Variants in EPM2A observed in about 807,000 individuals in gnomAD.
EPM2A encodes the protein laforin.
In EPM2A, 21 loss-of-function variants were observed where a neutral mutation model predicts 26.5. The observed-to-expected ratio is 0.79, with a 90% CI of 0.56 to 1.14. The LOEUF (loss-of-function observed/expected upper bound fraction) is 1.14. Ranked by LOEUF, EPM2A falls within the 50% of genes most tolerant of loss-of-function variation. The pLI is 0.00. For missense variants in EPM2A, 458 were observed against 440.8 expected, an observed-to-expected ratio of 1.04 and a Z score of -0.35; for synonymous variants, 217 against 177.6, an observed-to-expected ratio of 1.22 and a Z score of -1.76.
chr6:145,479,151 G>A (rs1002847832), intron 4 of EPM2A, among the ~76,000 whole-genome samples: 14 of 150,820 alleles, frequency 9.3e-5, no homozygotes, highest in Admixed American at 2.0e-4. Context: ...GTAGATTGAC[G>A]TCTTCCAGTA....
intron 2 of EPM2A, among the ~76,000 whole-genome samples, chr6:145,619,181 A>G (rs7738822): frequency 0.067 from 10,157 of 152,072 alleles, 1,134 homozygotes; most frequent in African/African-American, 0.23. Context: ...ATTGGGGAAT[A>G]TTGAGTTTGG....
chr6:145,548,206 C>T (rs1414766175), intron 2 of EPM2A, among the ~76,000 whole-genome samples: 5 of 152,086 alleles, frequency 3.3e-5, no homozygotes, highest in African/African-American at 4.8e-5. Flanking sequence ...TCCACAAAGG[C>T]GCACTGACCT....
chr6:145,398,734 C>T (rs1778441127), intron 4 of EPM2A, among the ~76,000 whole-genome samples: 1 of 151,846 alleles, frequency 6.6e-6, no homozygotes, highest in South Asian at 2.1e-4. Flanking sequence ...GTGGTATGTG[C>T]TTGTAGTCCC....
chr6:145,630,683 G>A (rs1399036842), intron 3 of EPM2A: 1 of 152,128 alleles, frequency 6.6e-6, no homozygotes, highest in Non-Finnish European at 1.5e-5. Context: ...CACAGCTGGA[G>A]GCCTGGTTTA....
chr6:145,677,968 C>T (rs1780193386), intron 2 of EPM2A, among the ~76,000 whole-genome samples: 1 of 152,180 alleles, frequency 6.6e-6, no homozygotes, highest in South Asian at 2.1e-4. Context: ...CCTGCATTGC[C>T]ATGACAATCA....
In EPM2A at chr6:145,460,152, C is replaced by T. The variant is rs546759468; in HGVS notation, c.555+42370G>A. On this transcript the variant is annotated intron_variant, in intron 4 of 4. Coordinates refer to the EPM2A transcript ENST00000638717. ...GGAGATAGGTAAGGACTCGTTATCA[C>T]CATCTTTAGCTATAAAGGAGTTGAT... Among the ~76,000 whole-genome samples the T allele has an allele frequency of 4.9e-4, 74 of 152,268 alleles. 1 individual carries two copies. The highest frequency in any genetic ancestry group is 1.7e-3 in the African/African-American group (70 of 41,560).
chr6:145,728,466 G>A (rs895578634), intron 1 of EPM2A, among the ~76,000 whole-genome samples: 3 of 152,208 alleles, frequency 2.0e-5, no homozygotes, highest in Non-Finnish European at 4.4e-5. Context: ...GGGAACTACA[G>A]TAGTCACTCA....
chr6:145,447,031 G>A, intron 4 of EPM2A, among the ~76,000 whole-genome samples: 1 of 152,114 alleles, frequency 6.6e-6, no homozygotes, highest in East Asian at 1.9e-4. Flanking sequence ...TCTAGAGTAT[G>A]TTAAGTACTC....
intron 4 of EPM2A, among the ~76,000 whole-genome samples, chr6:145,444,782 T>C (rs573724234): frequency 5.9e-5 from 9 of 152,362 alleles, no homozygotes; most frequent in African/African-American, 1.9e-4. Context: ...ATTGGACATT[T>C]TGAATTATAA....
chr6:145,625,060 A>G (rs1775720091), downstream of EPM2A, among the ~76,000 whole-genome samples: 1 of 152,084 alleles, frequency 6.6e-6, no homozygotes, highest in Non-Finnish European at 1.5e-5. Context: ...TAATGGCATA[A>G]TATCTGCTTT....
rs1244623165 is a variant in EPM2A at position 145,625,827 on chromosome 6, C to G, written c.*1589G>C. The G allele has an allele frequency of 1.3e-6, 2 of 1,549,638 alleles. No homozygotes were observed. Among genetic ancestry groups the G allele is most frequent in the Non-Finnish European group, 1.7e-6 (2 of 1,144,442 alleles). On this transcript the variant is annotated 3_prime_UTR_variant, in exon 4 of 4. Transcript: ENST00000367519. Reference sequence around the variant, plus strand: ...CCTTGTATCCTTCTTGTCCCCCACGCCTTCTAAATAAGAGTCTCTTGCATC... The same window carrying G: ...CCTTGTATCCTTCTTGTCCCCCACGGCTTCTAAATAAGAGTCTCTTGCATC...
chr6:145,468,893 CAA>C (rs1259865406), intron 4 of EPM2A, among the ~76,000 whole-genome samples: 1 of 151,976 alleles, frequency 6.6e-6, no homozygotes, highest in Admixed American at 6.6e-5. Context: ...ATCCATCTGA[CAA>C]GAGATTAATA....
At chr6:145,553,724 T>C (rs1001200890) in intron 2 of EPM2A, among the ~76,000 whole-genome samples, 19 of 151,732 alleles carry the variant, frequency 1.3e-4, no homozygotes, top group African/African-American at 4.6e-4. Context: ...TTTCAGCTGT[T>C]AAGAAGAGAA....
At chr6:145,584,782 C>T (rs1478138216) in intron 2 of EPM2A, among the ~76,000 whole-genome samples, 2 of 152,120 alleles carry the variant, frequency 1.3e-5, no homozygotes, top group Non-Finnish European at 2.9e-5. Flanking sequence ...CCCTTCAGTC[C>T]AATGTCTGCA....
At chr6:145,692,900 TC>T (rs1420769140) in intron 1 of EPM2A, among the ~76,000 whole-genome samples, 6 of 152,176 alleles carry the variant, frequency 3.9e-5, no homozygotes, top group Non-Finnish European at 7.4e-5. Flanking sequence ...CTATTCGAGC[TC>T]TTTTTTGATT....
chr6:145,733,915 G>C (rs1388758969), intron 1 of EPM2A, among the ~76,000 whole-genome samples: 1 of 150,610 alleles, frequency 6.6e-6, no homozygotes, highest in Non-Finnish European at 1.5e-5. Flanking sequence ...TTCAACTATT[G>C]AGTCACACCC....
chr6:145,409,577 T>A (rs1028217873), intron 4 of EPM2A, among the ~76,000 whole-genome samples: 2 of 152,212 alleles, frequency 1.3e-5, no homozygotes, highest in African/African-American at 4.8e-5. Context: ...TATACACCAC[T>A]ATTTTTTCTA....
downstream of EPM2A, among the ~76,000 whole-genome samples, chr6:145,621,305 G>A (rs973395194): frequency 5.9e-5 from 9 of 152,114 alleles, no homozygotes; most frequent in African/African-American, 1.7e-4. Flanking sequence ...ATATTCCACT[G>A]TTTATATATC....
At position 145,677,445 on chromosome 6, in the gene EPM2A, A is replaced by G. The variant is rs1780142547; in HGVS notation, c.476+8677T>C. ...AAGTTCTGGCCAGGACAATCAGGCA[A>G]GAGAAAGAAATAAAGGGTATTCAAT... On this transcript the variant is annotated intron_variant, in intron 2 of 3. Transcript: ENST00000367519. Among the ~76,000 whole-genome samples the G allele has an allele frequency of 2.6e-5, 4 of 152,158 alleles. No homozygotes were observed. The South Asian group carries it at 8.3e-4, about 32-fold the overall frequency.
Sources: gnomAD v4.1 joint callset for allele counts (sites outside exome capture counted in the v4.1 genomes callset) on GRCh38, gnomAD v4.1.1 for gene constraint, MANE v1.5 for transcripts, NCBI Gene and HGNC (gene_info 2026-07-23, HGNC 2026-07-21) for gene names.